Variants in WDR35 observed in about 807,000 individuals in gnomAD.
The protein encoded by WDR35 is WD repeat domain 35, also known as WD repeat-containing protein 35.
In WDR35, 118 loss-of-function variants were observed where a neutral mutation model predicts 158.3. The ratio of observed to expected loss-of-function variants is 0.75; its 90% CI spans 0.64 to 0.87. WDR35 has a LOEUF of 0.87. Ranked by LOEUF, WDR35 falls within the 40% of genes least tolerant of loss-of-function variation. WDR35 has a pLI of 0.00. For synonymous variants in WDR35, 448 were observed against 476.1 expected (o/e 0.94, Z 0.77); for missense variants, 1,263 against 1,405.8 (o/e 0.90, Z 1.62).
At position 19,957,575 on chromosome 2, in the gene WDR35, C is replaced by T. The variant is rs191293669; in HGVS notation, c.1255+2979G>A. ...TATTGGATTTTTTTTTTTTTTGAGACGGTGTCTTGCTGTGTCACCCAGGCT... is the reference window on the plus strand; with the variant it reads ...TATTGGATTTTTTTTTTTTTTGAGATGGTGTCTTGCTGTGTCACCCAGGCT... On this transcript the variant is annotated intron_variant, in intron 11 of 26. Coordinates refer to ENST00000281405, the MANE Select transcript of WDR35 (RefSeq NM_020779.4). 8.4e-4 allele frequency among the ~76,000 whole-genome samples: 125 copies of T among 148,388 alleles called. 2 individuals carry two copies. In the Middle Eastern group the frequency reaches 0.014, roughly 17 times the overall value.
intron 3 of WDR35, 90 bp downstream of exon 3, chr2:19,982,373 T>C (rs1672408614): frequency 1.6e-6 from 2 of 1,215,144 alleles, no homozygotes; most frequent in Non-Finnish European, 2.4e-6. Context: ...TTACCATTAT[T>C]TAAAATGTTG....
rs753299678 is a variant in WDR35, at chr2:19,946,045, C to T, written c.1635-49G>A. 47 of 1,563,804 alleles carry T rather than the reference C, an allele frequency of 3.0e-5. No individual in the cohort carries two copies. The Middle Eastern group carries it at 1.2e-3, about 39-fold the overall frequency. ...AAGGAAAAAACTATAAAATTACTAT[C>T]AGCAATCATGAGAATAATTACCTAT... On this transcript the variant is annotated intron_variant, in intron 15 of 26. Coordinates refer to ENST00000281405, the MANE Select transcript of WDR35 (RefSeq NM_020779.4).
chr2:19,932,485 T>TGTAAA lies in WDR35; in HGVS notation c.2659-39_2659-38insTTTAC, dbSNP rs1344341735. 16 of 1,611,616 alleles carry TGTAAA rather than the reference T, an allele frequency of 9.9e-6. No homozygotes were observed. In the Admixed American group the frequency reaches 2.5e-4, roughly 25 times the overall value. ...TTACACCATTCAGTCACCCAAGTAT[T>TGTAAA]TACAGTCACATATATCATAAAATTC... is the stretch of plus-strand genomic sequence containing the variant. On this transcript the variant is annotated intron_variant, in intron 22 of 26. Transcript: ENST00000281405.
chr2:19,979,358 C>T (rs1031519955), intron 4 of WDR35, among the ~76,000 whole-genome samples: 7 of 152,040 alleles, frequency 4.6e-5, no homozygotes, highest in African/African-American at 1.7e-4. Context: ...ATATTAGTTA[C>T]CATCACAAAG....
chr2:19,946,084 C>T, intron 15 of WDR35, 88 bp from the exon 16 acceptor site: 1 of 1,366,186 alleles, frequency 7.3e-7, no homozygotes, highest in Non-Finnish European at 1.0e-6. Context: ...CATTCTTCTT[C>T]AAAATCAGAT....
At chr2:19,972,524 G>A (rs1248814280) in intron 8 of WDR35, among the ~76,000 whole-genome samples, 1 of 151,532 alleles carries the variant, frequency 6.6e-6, no homozygotes, top group Non-Finnish European at 1.5e-5. Flanking sequence ...TTAGAATGCA[G>A]ATTTTTAATT....
rs577028782 is a variant in WDR35, at chr2:19,978,968, C to T, written c.308-89G>A. The T allele has an allele frequency of 1.5e-5, 23 of 1,535,256 alleles. No individual in the cohort carries two copies. In the Admixed American group the frequency reaches 2.9e-4, roughly 19 times the overall value. On this transcript the variant is annotated intron_variant, in intron 4 of 26. Transcript: ENST00000281405. ...AATTGAAAGCATTCCATAAAGTACGCCATGGGACAAATAACTGCAAAGTTT... is the reference window on the plus strand; with the variant it reads ...AATTGAAAGCATTCCATAAAGTACGTCATGGGACAAATAACTGCAAAGTTT...
intron 3 of WDR35, 96 bp from the exon 4 acceptor site, chr2:19,980,879 T>G: frequency 9.0e-7 from 1 of 1,107,798 alleles, no homozygotes; most frequent in Non-Finnish European, 1.4e-6. Flanking sequence ...AAAATCAATA[T>G]GGTTCCTGTA....
In WDR35 at chr2:19,948,230, A is replaced by T; in HGVS notation, c.1471-13T>A. The T allele has an allele frequency of 1.2e-6, 2 of 1,607,308 alleles. No homozygotes were observed. On this transcript the variant is annotated splice_polypyrimidine_tract_variant and intron_variant, in intron 13 of 26. Coordinates refer to ENST00000281405, the MANE Select transcript of WDR35 (RefSeq NM_020779.4). Reference sequence around the variant, plus strand: ...GATCCCTTGTGCCCTAAAATAAATTAATCAATCATTACTATTCAACAAACA... The same window carrying T: ...GATCCCTTGTGCCCTAAAATAAATTTATCAATCATTACTATTCAACAAACA...
At chr2:19,936,402 T>A (rs1477172444) in intron 19 of WDR35, 37 bp from the exon 20 acceptor site, 1 of 1,613,476 alleles carries the variant, frequency 6.2e-7, no homozygotes, top group South Asian at 1.1e-5. Flanking sequence ...ATTCATCTAT[T>A]TGACAAATAT....
chr2:19,951,383 T>C (rs1423356747), intron 13 of WDR35, 32 bp downstream of exon 13: 10 of 1,534,226 alleles, frequency 6.5e-6, no homozygotes, highest in Non-Finnish European at 9.0e-6. Context: ...CTACAGATAT[T>C]AACATTTTCT....
At chr2:19,987,756 G>A (rs1189488002) in intron 2 of WDR35, among the ~76,000 whole-genome samples, 4 of 149,154 alleles carry the variant, frequency 2.7e-5, no homozygotes, top group Admixed American at 6.7e-5. Flanking sequence ...CCCAGGAGGC[G>A]GAGCTTGCAA....
At chr2:19,918,634 G>A (rs1301650689) in intron 25 of WDR35, among the ~76,000 whole-genome samples, 1 of 152,056 alleles carries the variant, frequency 6.6e-6, no homozygotes, top group Non-Finnish European at 1.5e-5. Flanking sequence ...CTGACAAAAA[G>A]CAAAAGAGAC....
At chr2:19,979,462 C>A (rs971730909) in intron 4 of WDR35, among the ~76,000 whole-genome samples, 1 of 152,108 alleles carries the variant, frequency 6.6e-6, no homozygotes, top group Admixed American at 6.5e-5. Context: ...AGTGACACGA[C>A]ATCTCTAATG....
chr2:19,920,115 G>A (rs1670123934), intron 25 of WDR35, among the ~76,000 whole-genome samples: 1 of 152,160 alleles, frequency 6.6e-6, no homozygotes, highest in African/African-American at 2.4e-5. Context: ...AAAAGTCCAG[G>A]ACCAGACGGA....
chr2:19,974,611 A>G lies in WDR35; in HGVS notation c.593T>C (p.Leu198Ser), dbSNP rs759549245. ...GCTGATAGCTCCAGTGACATTCACC[A>G]AACAACTCAGTTTCATTTTTATCTA... ...NFMIKMKLSC[L>S]VNVTGAISIA... Residue 198 changes from leucine (L) to serine (S), a missense_variant, in exon 7 of 27, where the codon TTG (leucine) becomes TCG (serine). Coordinates refer to ENST00000281405, the MANE Select transcript of WDR35 (RefSeq NM_020779.4). The G allele has an allele frequency of 1.2e-6, 2 of 1,613,700 alleles. No homozygotes were observed. The highest frequency in any genetic ancestry group is 2.7e-5 in the African/African-American group (2 of 74,916).
chr2:19,948,103 C>G (rs983967853), intron 14 of WDR35, 61 bp downstream of exon 14: 14 of 1,391,546 alleles, frequency 1.0e-5, no homozygotes, highest in Non-Finnish European at 1.4e-5. Context: ...CACCTGGCTC[C>G]TACCATATTT....
At chr2:19,939,157 A>C (rs1434674430) in intron 17 of WDR35, among the ~76,000 whole-genome samples, 1 of 152,202 alleles carries the variant, frequency 6.6e-6, no homozygotes, top group Non-Finnish European at 1.5e-5. Flanking sequence ...AGCCAACTAA[A>C]AGATTAATCA....
At chr2:19,978,470 T>C (rs1672278807) in intron 5 of WDR35, among the ~76,000 whole-genome samples, 1 of 152,086 alleles carries the variant, frequency 6.6e-6, no homozygotes, top group African/African-American at 2.4e-5. Context: ...AAAAAGAAAT[T>C]ACATAATGAG....
Sources: gnomAD v4.1 joint callset for allele counts (sites outside exome capture counted in the v4.1 genomes callset) on GRCh38, gnomAD v4.1.1 for gene constraint, MANE v1.5 for transcripts, NCBI Gene and HGNC (gene_info 2026-07-23, HGNC 2026-07-21) for gene names.